MYH7B: variants seen among roughly 807,000 people sequenced by gnomAD.
The protein encoded by MYH7B is myosin-7B.
A neutral mutation model predicts 234.5 loss-of-function variants in MYH7B; 205 were observed. The ratio of observed to expected loss-of-function variants is 0.87; its 90% CI spans 0.78 to 0.98. The LOEUF is 0.98. Among genes scored for constraint, MYH7B ranks in the 50% least tolerant of loss-of-function variants. The pLI is 0.00. For synonymous variants in MYH7B, 1,193 were observed against 1,105.0 expected (o/e 1.08, Z -1.58); for missense variants, 2,652 against 2,633.4 (o/e 1.01, Z -0.15).
At chr20:34,981,049 C>T in exon 9 of MYH7B, 7 of 1,614,102 alleles carry the variant, frequency 4.3e-6, no homozygotes, top group Non-Finnish European at 5.9e-6. Context: ...ACAACCAGTC[C>T]ATGCTGATCA....
At chr20:34,975,300 G>A (rs1386482262) in intron 2 of MYH7B, 100 bp from the exon 3 acceptor site, 3 of 489,602 alleles carry the variant, frequency 6.1e-6, no homozygotes, top group Non-Finnish European at 1.1e-5. Flanking sequence ...TGCCTCCTGG[G>A]TTCAAGCGGT....
At position 34,986,144 on chromosome 20, in the gene MYH7B, C is replaced by T. The variant is rs142381066; in HGVS notation, c.850C>T (p.Arg284Cys). The change falls in exon 14 of 45, where the codon CGC becomes TGC. Residue 284 changes from arginine to cysteine, a missense_variant. This residue lies in a region of MYH7B where 366 missense variants were observed against 401.2 expected (regional missense o/e 0.91). Coordinates refer to ENST00000262873, the Ensembl canonical transcript of MYH7B. ...GGTGATCTTCCAGTTGCCTGGTGAG[C>T]GCAGCTACCATGTCTACTACCAGAT... The T allele has an allele frequency of 1.7e-4, 276 of 1,598,706 alleles. 2 individuals are homozygous for T. The African/African-American group carries it at 2.7e-3, about 16-fold the overall frequency.
chr20:35,000,850 A>G, exon 40 of MYH7B: 1 of 1,613,454 alleles, frequency 6.2e-7, no homozygotes, highest in Non-Finnish European at 8.5e-7. Flanking sequence ...GCTGCACAGG[A>G]GAGGCGGGAG....
chr20:34,990,603 C>T (rs2082127436), intron 22 of MYH7B, 135 bp from the exon 23 acceptor site: 5 of 803,184 alleles, frequency 6.2e-6, no homozygotes, highest in Non-Finnish European at 8.5e-6. Flanking sequence ...GGTCTCCCAT[C>T]ACCAGAATGA....
chr20:34,963,774 A>G (rs955351351), intron 2 of MYH7B, among the ~76,000 whole-genome samples: 4 of 152,178 alleles, frequency 2.6e-5, no homozygotes, highest in Non-Finnish European at 5.9e-5. Flanking sequence ...GGTAGGTCTT[A>G]TGCATTTTTA....
At chr20:34,980,469 C>T (rs1461644966) in intron 7 of MYH7B, 109 bp from the exon 8 acceptor site, 5 of 965,138 alleles carry the variant, frequency 5.2e-6, no homozygotes, top group Admixed American at 3.8e-5. Context: ...ACCCAGGAGG[C>T]GGAGGTTGCG....
rs993782594 is a variant in MYH7B, at chr20:34,998,790, G to C, written c.4065G>C (p.Glu1355Asp). Residue 1355 changes from glutamate to aspartate, a missense_variant, in exon 35 of 45, where the codon GAG becomes GAC. Transcript: ENST00000262873. ...GTGACCTCCTGCGGGAGCAACACGA[G>C]GAGGAGGCTGAGGCCCAGGCTGAGC... The C allele has an allele frequency of 6.2e-7, 1 of 1,613,246 alleles. No homozygotes were observed. Among genetic ancestry groups the C allele is most frequent in the Non-Finnish European group, 8.5e-7 (1 of 1,179,976 alleles).
chr20:34,967,560 C>T (rs577680596), intron 2 of MYH7B, among the ~76,000 whole-genome samples: 1 of 152,212 alleles, frequency 6.6e-6, no homozygotes, highest in African/African-American at 2.4e-5. Flanking sequence ...CTACAGCACC[C>T]CCCGCCCTCC....
intron 10 of MYH7B, 32 bp downstream of exon 10, chr20:34,982,587 T>C: frequency 6.7e-7 from 1 of 1,491,584 alleles, no homozygotes; most frequent in Non-Finnish European, 9.1e-7. Flanking sequence ...ATGCTCCCCG[T>C]TGCTTCTCGC....
At chr20:34,980,763 C>A in intron 8 of MYH7B, 29 bp downstream of exon 8, 1 of 1,604,864 alleles carries the variant, frequency 6.2e-7, no homozygotes, top group Non-Finnish European at 8.5e-7. Context: ...CCTCCCCAAC[C>A]GCAGACCCCG....
In MYH7B at chr20:34,984,878, G is replaced by A. The variant is rs755306679; in HGVS notation, c.673G>A (p.Glu225Lys). 11 of 1,613,908 alleles carry A rather than the reference G, an allele frequency of 6.8e-6. No individual in the cohort carries two copies. The highest frequency in any genetic ancestry group is 1.6e-4 in the Middle Eastern group (1 of 6,080). The stretch of plus-strand genomic sequence containing the variant: ...GGGCACCCTTGAGGATCAAATCATC[G>A]AGGCCAACCCTGCCATGGAGGCCTT... The change falls in exon 12 of 45, where the codon GAG (glutamate) becomes AAG (lysine). Residue 225 changes from glutamate to lysine, a missense_variant. Around this residue, in one of 3 missense-constraint regions of MYH7B, gnomAD observed 366 missense variants for 401.2 expected, o/e 0.91. Coordinates refer to ENST00000262873, the Ensembl canonical transcript of MYH7B.
exon 39 of MYH7B, chr20:35,000,300 C>T (rs1261274833): frequency 1.9e-6 from 3 of 1,575,522 alleles, no homozygotes; most frequent in Non-Finnish European, 1.7e-6. Flanking sequence ...TAGGCGCAAC[C>T]ACCAGCGAGC....
intron 32 of MYH7B, among the ~76,000 whole-genome samples, chr20:34,997,984 C>T (rs2082296054): frequency 1.3e-5 from 2 of 152,164 alleles, no homozygotes; most frequent in Non-Finnish European, 2.9e-5. Flanking sequence ...TAGCCTTAAC[C>T]CCTGACCTTT....
chr20:34,976,542 T>A (rs2081856174), intron 3 of MYH7B, among the ~76,000 whole-genome samples: 1 of 152,230 alleles, frequency 6.6e-6, no homozygotes, highest in Non-Finnish European at 1.5e-5. Flanking sequence ...ATCAGGCAGA[T>A]GGACTGCCAG....
intron 19 of MYH7B, among the ~76,000 whole-genome samples, chr20:34,989,036 C>G (rs1221339869): frequency 6.6e-6 from 1 of 152,232 alleles, no homozygotes; most frequent in Non-Finnish European, 1.5e-5. Context: ...TCTCGAACTC[C>G]TGACCTCAAG....
At chr20:34,975,951 C>T (rs1432800931) in intron 3 of MYH7B, among the ~76,000 whole-genome samples, 1 of 151,702 alleles carries the variant, frequency 6.6e-6, no homozygotes, top group South Asian at 2.1e-4. Flanking sequence ...CTCCTGACCT[C>T]GTGATCCGCC....
At chr20:34,986,332 T>C in intron 14 of MYH7B, 134 bp downstream of exon 14, 1 of 687,772 alleles carries the variant, frequency 1.5e-6, no homozygotes, top group Non-Finnish European at 2.5e-6. Flanking sequence ...TCTTCCTTCT[T>C]GGGACTTTTG....
chr20:34,979,524 CCT>C, intron 6 of MYH7B, 28 bp downstream of exon 6: 1 of 1,600,242 alleles, frequency 6.2e-7, no homozygotes, highest in South Asian at 1.1e-5. Context: ...CTGAGATTAG[CCT>C]CTCTGTCCCT....
In MYH7B at chr20:34,998,985, G is replaced by A. The variant is rs1302695472; in HGVS notation, c.4190+70G>A. 12 of 1,581,986 alleles carry A rather than the reference G, an allele frequency of 7.6e-6. No individual in the cohort carries two copies. The East Asian group carries it at 2.2e-4, about 30-fold the overall frequency. Reference sequence around the variant, plus strand: ...CCTGTGCCTGAGCCCCGCTGAGGGTGGGTGAAGGGAGCTGCTGGGGCTGTT... The same window carrying A: ...CCTGTGCCTGAGCCCCGCTGAGGGTAGGTGAAGGGAGCTGCTGGGGCTGTT... On this transcript the variant is annotated intron_variant, in intron 35 of 44. Coordinates refer to ENST00000262873, the Ensembl canonical transcript of MYH7B.
Sources: gnomAD v4.1 joint callset for allele counts (sites outside exome capture counted in the v4.1 genomes callset) on GRCh38, gnomAD v4.1.1 for gene constraint, gnomAD v4.1.1 regional missense constraint, MANE v1.5 for transcripts, NCBI Gene and HGNC (gene_info 2026-07-23, HGNC 2026-07-21) for gene names.